Variants in RBM6 observed in about 807,000 individuals in gnomAD.
The protein encoded by RBM6 is RNA-binding protein 6.
In RBM6, 23 loss-of-function variants were observed where a neutral mutation model predicts 140.4. The ratio of observed to expected loss-of-function variants is 0.16; its 90% CI spans 0.12 to 0.23. The LOEUF (loss-of-function observed/expected upper bound fraction) is 0.23. RBM6 is among the 10% of genes least tolerant of loss of function. The probability of loss-of-function intolerance (pLI) is 1.00; values close to 1 mark genes in which losing one functional copy is unlikely to be tolerated. For synonymous variants in RBM6, 439 were observed against 475.6 expected (o/e 0.92, Z 1.00); for missense variants, 1,139 against 1,386.7 (o/e 0.82, Z 2.84).
chr3:50,042,452 G>A (rs761010545), intron 6 of RBM6, among the ~76,000 whole-genome samples: 69 of 152,126 alleles, frequency 4.5e-4, no homozygotes, highest in Non-Finnish European at 9.1e-4. Flanking sequence ...AATCCTTGAG[G>A]CTGGGCACCA....
chr3:50,048,742 C>T (rs1038310893), intron 7 of RBM6, among the ~76,000 whole-genome samples: 2 of 152,102 alleles, frequency 1.3e-5, no homozygotes, highest in Admixed American at 1.3e-4. Context: ...CTTCAGACAC[C>T]ATGGCATTTT....
intron 6 of RBM6, among the ~76,000 whole-genome samples, chr3:50,016,673 T>C (rs2087165590): frequency 6.6e-6 from 1 of 151,994 alleles, no homozygotes; most frequent in Non-Finnish European, 1.5e-5. Context: ...TCATTATGGT[T>C]TTGTTTGTTT....
chr3:50,024,148 A>C (rs1045686361), intron 6 of RBM6, among the ~76,000 whole-genome samples: 1 of 152,232 alleles, frequency 6.6e-6, no homozygotes. Flanking sequence ...GAAAATTGCT[A>C]GGTTATCTAA....
chr3:50,061,240 A>G lies in RBM6; in HGVS notation c.2353+19A>G. The G allele has an allele frequency of 1.2e-6, 2 of 1,613,334 alleles. No individual in the cohort carries two copies. The highest frequency in any genetic ancestry group is 1.7e-6 in the Non-Finnish European group (2 of 1,179,650). ...CAACAGTGTAAGTAACCTTTGTTTT[A>G]TTTCTGTTGCTCTTTTTTGCTTGAC... On this transcript the variant is annotated intron_variant, in intron 13 of 20. Transcript: ENST00000266022.
At chr3:49,996,737 CA>C (rs1247569593) in intron 5 of RBM6, among the ~76,000 whole-genome samples, 4 of 152,146 alleles carry the variant, frequency 2.6e-5, no homozygotes, top group African/African-American at 4.8e-5. Context: ...TATTTCTTAA[CA>C]GGGGCATAGA....
intron 3 of RBM6, among the ~76,000 whole-genome samples, chr3:49,971,550 T>C (rs2084794517): frequency 6.9e-6 from 1 of 144,094 alleles, no homozygotes; most frequent in South Asian, 2.3e-4. Context: ...TTTTTCTTTT[T>C]TTTTGAGACG....
In RBM6 at chr3:50,057,858, A is replaced by T; in HGVS notation, c.1824A>T (p.Glu608Asp). ...AGGAACCTGAACCCAGGAAGAGGGAAGAAGGCCAAGAGTCACGCTTAGGAC... is the reference window on the plus strand; with the variant it reads ...AGGAACCTGAACCCAGGAAGAGGGATGAAGGCCAAGAGTCACGCTTAGGAC... Reference protein sequence around the residue: ...ADKEPEPRKREEGQESRLGHQ... With the variant: ...ADKEPEPRKRDEGQESRLGHQ... The change falls in exon 9 of 21, where the codon GAA becomes GAT. Residue 608 changes from glutamate to aspartate, a missense_variant. Around this residue, in one of 9 missense-constraint regions of RBM6, gnomAD observed 109 missense variants for 101.9 expected, o/e 1.07. Coordinates refer to ENST00000266022, the MANE Select transcript of RBM6 (RefSeq NM_005777.3). The T allele has an allele frequency of 6.2e-7, 1 of 1,614,100 alleles. No homozygotes were observed. Among genetic ancestry groups the T allele is most frequent in the South Asian group, 1.1e-5 (1 of 91,082 alleles).
intron 5 of RBM6, among the ~76,000 whole-genome samples, chr3:49,984,121 A>C (rs375637403): frequency 4.3e-4 from 65 of 152,152 alleles, no homozygotes; most frequent in Admixed American, 7.2e-4. Context: ...GTGAAACTCT[A>C]TCTCTCCAAA....
intron 1 of RBM6, among the ~76,000 whole-genome samples, chr3:49,959,876 T>C (rs958344262): frequency 2.0e-5 from 3 of 152,098 alleles, no homozygotes; most frequent in African/African-American, 7.2e-5. Flanking sequence ...CCGGCCTAGG[T>C]CTTGTATGAT....
intron 6 of RBM6, among the ~76,000 whole-genome samples, chr3:50,017,828 G>A (rs550562443): frequency 2.0e-5 from 3 of 152,142 alleles, no homozygotes; most frequent in Non-Finnish European, 4.4e-5. Context: ...GCCTTTGGGG[G>A]TCATGCACAA....
intron 2 of RBM6, chr3:49,963,147 C>T (rs540388995): frequency 8.6e-5 from 13 of 150,924 alleles, no homozygotes; most frequent in South Asian, 6.3e-4. Flanking sequence ...AAAATAGAAA[C>T]TCAATTTGGA....
intron 6 of RBM6, among the ~76,000 whole-genome samples, chr3:50,012,497 A>G (rs2086902246): frequency 6.6e-6 from 1 of 151,676 alleles, no homozygotes; most frequent in Non-Finnish European, 1.5e-5. Flanking sequence ...AGCTGGGACT[A>G]CAGGTGCCTG....
chr3:50,036,240 A>G (rs535383132), intron 6 of RBM6, among the ~76,000 whole-genome samples: 59 of 152,196 alleles, frequency 3.9e-4, no homozygotes, highest in Non-Finnish European at 7.5e-4. Context: ...CCTACAAACT[A>G]CAAGAGATGC....
intron 6 of RBM6, among the ~76,000 whole-genome samples, chr3:50,027,467 T>A (rs574127797): frequency 6.6e-6 from 1 of 152,294 alleles, no homozygotes; most frequent in South Asian, 2.1e-4. Context: ...AAAGAAACTA[T>A]ATATCCATTA....
intron 8 of RBM6, among the ~76,000 whole-genome samples, 195 bp from the exon 9 acceptor site, chr3:50,057,533 A>C (rs1447245578): frequency 1.5e-5 from 2 of 133,944 alleles, no homozygotes; most frequent in African/African-American, 2.8e-5. Context: ...GGTTGCAGTG[A>C]GCCAAGATCA....
At chr3:50,075,930 T>C (rs907009773) in intron 20 of RBM6, among the ~76,000 whole-genome samples, 5 of 152,126 alleles carry the variant, frequency 3.3e-5, no homozygotes, top group Non-Finnish European at 7.4e-5. Flanking sequence ...ACCACCCACC[T>C]TAATTCATCT....
chr3:49,942,271 C>T (rs35170106), intron 1 of RBM6, among the ~76,000 whole-genome samples: 4,877 of 151,272 alleles, frequency 0.032, 271 homozygotes, highest in African/African-American at 0.11. Context: ...GGGCGGATCA[C>T]GAGGTCAGGA....
intron 1 of RBM6, chr3:49,941,060 T>C (rs1230131201): frequency 6.6e-6 from 1 of 152,098 alleles, no homozygotes; most frequent in Admixed American, 6.6e-5. Flanking sequence ...GTTCATTTTC[T>C]GAACCCTGGA....
chr3:50,064,508 A>G (rs1310981444), intron 15 of RBM6, among the ~76,000 whole-genome samples: 1 of 151,722 alleles, frequency 6.6e-6, no homozygotes, highest in Non-Finnish European at 1.5e-5. Context: ...CTAACGTTTT[A>G]TTTTATTTTA....
Sources: gnomAD v4.1 joint callset for allele counts (sites outside exome capture counted in the v4.1 genomes callset) on GRCh38, gnomAD v4.1.1 for gene constraint, gnomAD v4.1.1 regional missense constraint, MANE v1.5 for transcripts, NCBI Gene and HGNC (gene_info 2026-07-23, HGNC 2026-07-21) for gene names.